NAA16: variants seen among roughly 807,000 people sequenced by gnomAD.
NAA16 encodes NARG1-like protein.
A neutral mutation model predicts 110.3 loss-of-function variants in NAA16; 97 were observed. The ratio of observed to expected loss-of-function variants is 0.88; its 90% CI spans 0.75 to 1.04. The LOEUF is 1.04. NAA16 is among the 50% of genes least tolerant of loss of function. The probability of loss-of-function intolerance (pLI) is 0.00; values close to 1 mark genes in which losing one functional copy is unlikely to be tolerated. For missense variants in NAA16, 1,017 were observed against 1,005.1 expected (o/e 1.01, Z -0.16); for synonymous variants, 372 against 330.6 (o/e 1.13, Z -1.36).
intron 9 of NAA16, among the ~76,000 whole-genome samples, chr13:41,352,567 A>G (rs1017695056): frequency 6.6e-6 from 1 of 152,006 alleles, no homozygotes; most frequent in Non-Finnish European, 1.5e-5. Flanking sequence ...AGGCAGGAGA[A>G]TTGCTTGAAC....
chr13:41,331,280 T>C lies in NAA16; in HGVS notation c.818T>C (p.Leu273Ser), dbSNP rs370907769. Residue 273 changes from leucine (L) to serine (S), a missense_variant, in exon 8 of 20, where the codon TTA becomes TCA. By Grantham distance (145) the Leu-to-Ser change is moderately radical (BLOSUM62 -2). Coordinates refer to ENST00000379406, the MANE Select transcript of NAA16 (RefSeq NM_024561.5). ...GLEKALQISTLEERLQIYEEI... is the reference protein window; with the variant it reads ...GLEKALQISTSEERLQIYEEI... ...CCATATTTACTGATAATAGGCACTT[T>C]AGAAGAGAGGCTTCAAATTTATGAA... is the stretch of plus-strand genomic sequence containing the variant. 4.4e-6 allele frequency: 7 copies of C among 1,606,244 alleles called. No homozygotes were observed. The East Asian group carries it at 1.1e-4, about 26-fold the overall frequency.
At chr13:41,358,725 T>C in intron 11 of NAA16, 85 bp from the exon 12 acceptor site, 1 of 1,486,056 alleles carries the variant, frequency 6.7e-7, no homozygotes, top group Non-Finnish European at 8.9e-7. Context: ...CAGATTTCTT[T>C]TTTGTCTGTG....
chr13:41,343,887 G>T (rs2042617552), intron 9 of NAA16, among the ~76,000 whole-genome samples: 1 of 152,076 alleles, frequency 6.6e-6, no homozygotes, highest in Admixed American at 6.5e-5. Flanking sequence ...GCCCAGGCTG[G>T]TCTCAAAATC....
intron 12 of NAA16, among the ~76,000 whole-genome samples, chr13:41,360,559 G>T (rs189535869): frequency 3.3e-5 from 5 of 152,300 alleles, no homozygotes; most frequent in East Asian, 3.9e-4. Flanking sequence ...CTGTGGCTCA[G>T]CTTGCTCATC....
chr13:41,353,179 T>TA (rs1328437823), intron 9 of NAA16, among the ~76,000 whole-genome samples: 1 of 151,962 alleles, frequency 6.6e-6, no homozygotes, highest in Non-Finnish European at 1.5e-5. Context: ...TCCGCCCTTT[T>TA]AAAAGCCACC....
chr13:41,369,041 A>T (rs368714141), intron 14 of NAA16, 49 bp from the exon 15 acceptor site: 169 of 1,495,718 alleles, frequency 1.1e-4, no homozygotes, highest in Non-Finnish European at 1.4e-4. Context: ...AAGAATATGA[A>T]GAAAATGCAA....
chr13:41,367,734 A>G (rs2043235789), intron 14 of NAA16, 82 bp downstream of exon 14: 1 of 884,610 alleles, frequency 1.1e-6, no homozygotes, highest in Non-Finnish European at 1.7e-6. Flanking sequence ...CTAGAAAAAT[A>G]TTAATATATT....
intron 9 of NAA16, among the ~76,000 whole-genome samples, chr13:41,337,561 T>G (rs2042415413): frequency 6.6e-6 from 1 of 151,050 alleles, no homozygotes; most frequent in Non-Finnish European, 1.5e-5. Flanking sequence ...AAAAAAAAAT[T>G]TCGAAAATAG....
intron 9 of NAA16, among the ~76,000 whole-genome samples, chr13:41,348,099 G>C (rs2042731353): frequency 6.6e-6 from 1 of 151,428 alleles, no homozygotes; most frequent in Admixed American, 6.6e-5. Context: ...TGATTATGTA[G>C]GTTTTTTTTT....
chr13:41,363,359 C>T (rs185230168), intron 13 of NAA16, among the ~76,000 whole-genome samples: 3 of 152,086 alleles, frequency 2.0e-5, no homozygotes, highest in Admixed American at 6.5e-5. Context: ...TAGGCACTTA[C>T]GAATTAGTAA....
intron 13 of NAA16, chr13:41,362,668 T>G: frequency 1.6e-6 from 2 of 1,271,062 alleles, no homozygotes; most frequent in Non-Finnish European, 2.1e-6. Context: ...TGTGCCTTAG[T>G]GAGGGGACTT....
chr13:41,335,433 G>A (rs2042354337), intron 8 of NAA16, among the ~76,000 whole-genome samples: 1 of 152,174 alleles, frequency 6.6e-6, no homozygotes, highest in Admixed American at 6.5e-5. Context: ...CTAAGAAACA[G>A]CGTCTCTTAT....
At chr13:41,357,153 C>T (rs4942040) in intron 10 of NAA16, among the ~76,000 whole-genome samples, 144,744 of 152,296 alleles carry the variant, frequency 0.95, 68,849 homozygotes, top group East Asian at 1. Context: ...AGACCCTGTC[C>T]CTACAAAAAA....
chr13:41,333,953 A>C (rs1476307179), intron 8 of NAA16, among the ~76,000 whole-genome samples: 1 of 151,992 alleles, frequency 6.6e-6, no homozygotes, highest in African/African-American at 2.4e-5. Context: ...AACAGGTCTC[A>C]GTGGAGGGGT....
At chr13:41,333,022 T>TG (rs1427454471) in intron 8 of NAA16, among the ~76,000 whole-genome samples, 1 of 152,078 alleles carries the variant, frequency 6.6e-6, no homozygotes, top group African/African-American at 2.4e-5. Flanking sequence ...ATAGGCTTGG[T>TG]GGGGAGGGTG....
chr13:41,324,891 T>A (rs2042048676), intron 5 of NAA16, among the ~76,000 whole-genome samples: 1 of 151,370 alleles, frequency 6.6e-6, no homozygotes, highest in Admixed American at 6.6e-5. Context: ...TTTTTTTTTT[T>A]AAGACATAAT....
chr13:41,359,397 TC>T (rs761770554), intron 12 of NAA16, among the ~76,000 whole-genome samples: 2 of 152,184 alleles, frequency 1.3e-5, no homozygotes, highest in Non-Finnish European at 2.9e-5. Flanking sequence ...AATTTAAGTT[TC>T]CTGAGATGGG....
At chr13:41,326,933 A>G (rs4310731) in intron 6 of NAA16, among the ~76,000 whole-genome samples, 144,191 of 152,214 alleles carry the variant, frequency 0.95, 68,366 homozygotes, top group South Asian at 0.99. Context: ...TCCATCCCTC[A>G]CTCCTGCAAA....
intron 8 of NAA16, among the ~76,000 whole-genome samples, chr13:41,335,732 C>T (rs1007177634): frequency 9.9e-5 from 15 of 152,060 alleles, no homozygotes. Flanking sequence ...TCAACATAGT[C>T]ACAACAAATA....
Sources: gnomAD v4.1 joint callset for allele counts (sites outside exome capture counted in the v4.1 genomes callset) on GRCh38, gnomAD v4.1.1 for gene constraint, MANE v1.5 for transcripts, NCBI Gene and HGNC (gene_info 2026-07-23, HGNC 2026-07-21) for gene names.